INSR: variants seen among roughly 807,000 people sequenced by gnomAD.
INSR encodes the protein IR.
A neutral mutation model predicts 142.6 loss-of-function variants in INSR; 67 were observed. That is an observed-to-expected ratio of 0.47 (90% CI 0.39 to 0.58). INSR has a LOEUF of 0.58. Ranked by LOEUF, INSR falls within the 20% of genes least tolerant of loss-of-function variation. INSR has a pLI of 0.00. For synonymous variants in INSR, 756 were observed against 743.1 expected (o/e 1.02, Z -0.28); for missense variants, 1,248 against 1,833.2 (o/e 0.68, Z 5.83).
At chr19:7,145,915 A>G (rs1026711372) in intron 11 of INSR, among the ~76,000 whole-genome samples, 1 of 152,252 alleles carries the variant, frequency 6.6e-6, no homozygotes, top group Non-Finnish European at 1.5e-5. Context: ...GAATGATGTT[A>G]GCTTGGCTGT....
At chr19:7,173,456 C>G (rs1974064318) in intron 4 of INSR, among the ~76,000 whole-genome samples, 1 of 149,674 alleles carries the variant, frequency 6.7e-6, no homozygotes, top group Non-Finnish European at 1.5e-5. Flanking sequence ...GTAGCTAGGA[C>G]TACAGGCATG....
intron 1 of INSR, among the ~76,000 whole-genome samples, chr19:7,274,042 A>G (rs1465343520): frequency 1.3e-5 from 2 of 152,046 alleles, no homozygotes; most frequent in African/African-American, 4.8e-5. Flanking sequence ...ATCCTAAAAA[A>G]AAAATGATTA....
Position 7,126,630 on chromosome 19 carries a change from T to C in INSR, c.2967A>G (p.Gly989=), listed in dbSNP as rs776148714. Residue 989 remains glycine, a synonymous_variant, in exon 16 of 22, where the codon GGA becomes GGG. Transcript: ENST00000302850. ...LRKRQPDGPL[G]PLYASSNPEY... ...CAGGGTTTGAAGAAGCGTAAAGCGG[T>C]CCCAGCGGCCCATCTGGCTGCCTGG... 6.4e-7 allele frequency: 1 copy of C among 1,565,794 alleles called. No individual in the cohort carries two copies. Among genetic ancestry groups the C allele is most frequent in the Non-Finnish European group, 8.7e-7 (1 of 1,153,474 alleles).
Position 7,123,329 on chromosome 19 carries a change from C to T in INSR, c.3259-340G>A, listed in dbSNP as rs78257892. Among the ~76,000 whole-genome samples, 22 of 151,934 alleles carry T rather than the reference C, an allele frequency of 1.4e-4. No individual in the cohort carries two copies. The East Asian group carries it at 3.3e-3, about 23-fold the overall frequency. On this transcript the variant is annotated intron_variant, in intron 17 of 21. Transcript: ENST00000302850. ...GGTTACAGGTGCCCGCCTCCACACC[C>T]GGCTAATTTTTGTATTTTTAGTAGA...
intron 2 of INSR, among the ~76,000 whole-genome samples, chr19:7,221,774 GTTTCAACT>G (rs1306927806): frequency 6.6e-6 from 1 of 151,880 alleles, no homozygotes; most frequent in African/African-American, 2.4e-5. Flanking sequence ...ATCACACTGG[GTTTCAACT>G]TTTCCTTTCT....
chr19:7,201,896 C>T (rs530667245), intron 2 of INSR, among the ~76,000 whole-genome samples: 111 of 152,080 alleles, frequency 7.3e-4, no homozygotes, highest in African/African-American at 2.6e-3. Context: ...CTCCTGACCT[C>T]GTGATCCACC....
At chr19:7,239,925 CAG>C (rs1367634046) in intron 2 of INSR, among the ~76,000 whole-genome samples, 8 of 152,236 alleles carry the variant, frequency 5.3e-5, no homozygotes, top group African/African-American at 1.9e-4. Flanking sequence ...AGGAAGATCG[CAG>C]AGTTTTTTGT....
At chr19:7,198,900 G>T (rs76335114) in intron 2 of INSR, among the ~76,000 whole-genome samples, 26 of 36,530 alleles carry the variant, frequency 7.1e-4, no homozygotes, top group East Asian at 1.8e-3. Flanking sequence ...CACTTTTTTT[G>T]GGGGGGGGGT....
chr19:7,249,770 A>G (rs535932501), intron 2 of INSR, among the ~76,000 whole-genome samples: 7 of 152,258 alleles, frequency 4.6e-5, no homozygotes, highest in African/African-American at 1.7e-4. Context: ...AGGAGGGTGG[A>G]TCACGAGGTC....
At chr19:7,149,925 G>GA (rs1401098687) in intron 11 of INSR, among the ~76,000 whole-genome samples, 1 of 38,374 alleles carries the variant, frequency 2.6e-5, no homozygotes, top group African/African-American at 7.0e-5. Flanking sequence ...AAGAAAGAAG[G>GA]AAAAAAAGAA....
intron 2 of INSR, among the ~76,000 whole-genome samples, chr19:7,218,419 C>A (rs377692899): frequency 6.6e-5 from 10 of 152,232 alleles, no homozygotes; most frequent in South Asian, 2.1e-4. Context: ...TCAAAAGGGG[C>A]AGACCTGGGG....
chr19:7,246,634 CA>C (rs1313941343), intron 2 of INSR, among the ~76,000 whole-genome samples: 5 of 152,174 alleles, frequency 3.3e-5, no homozygotes, highest in African/African-American at 1.2e-4. Flanking sequence ...TGTTACACAG[CA>C]AAAGTTAGCT....
intron 2 of INSR, among the ~76,000 whole-genome samples, chr19:7,203,728 C>T (rs145720234): frequency 2.0e-5 from 3 of 152,128 alleles, no homozygotes; most frequent in East Asian, 3.9e-4. Flanking sequence ...CCCATGGGGA[C>T]GTACTGAATT....
At chr19:7,138,242 G>T (rs1014973524) in intron 13 of INSR, among the ~76,000 whole-genome samples, 1 of 152,036 alleles carries the variant, frequency 6.6e-6, no homozygotes, top group African/African-American at 2.4e-5. Context: ...GGGATTACAG[G>T]CGTGAGCCAC....
chr19:7,262,197 G>A (rs927259877), intron 2 of INSR, among the ~76,000 whole-genome samples: 8 of 152,138 alleles, frequency 5.3e-5, no homozygotes, highest in Non-Finnish European at 7.3e-5. Context: ...AAGGCTGGGC[G>A]CGGTAGCTCA....
chr19:7,276,936 G>T (rs1968077848), intron 1 of INSR, among the ~76,000 whole-genome samples: 1 of 152,040 alleles, frequency 6.6e-6, no homozygotes, highest in Admixed American at 6.6e-5. Context: ...TTGCCAAGTT[G>T]GCCAGGCTAG....
intron 9 of INSR, among the ~76,000 whole-genome samples, chr19:7,157,451 C>T (rs1973625752): frequency 8.5e-6 from 1 of 118,192 alleles, no homozygotes; most frequent in African/African-American, 3.4e-5. Context: ...TTGGTAGAGA[C>T]AGAGTTTTGC....
chr19:7,161,899 T>C (rs1247105311), intron 9 of INSR, among the ~76,000 whole-genome samples: 1 of 152,142 alleles, frequency 6.6e-6, no homozygotes, highest in African/African-American at 2.4e-5. Context: ...TGTGTATGTA[T>C]GAGCCGGTCA....
chr19:7,125,302 C>T lies in INSR; in HGVS notation c.3239G>A (p.Gly1080Asp), dbSNP rs374854021. The change falls in exon 17 of 22, where the codon GGC (glycine) becomes GAC (aspartate). Residue 1080 changes from glycine (G) to aspartate (D), a missense_variant. By Grantham distance (94) the Gly-to-Asp change is moderately conservative. Transcript: ENST00000302850. The surrounding 1 kb of genome is among the most constrained non-coding windows in gnomAD (Gnocchi z 4.9). ...EFLNEASVMKGFTCHHVVRLL... is the reference protein window; with the variant it reads ...EFLNEASVMKDFTCHHVVRLL... ...ACTCACCACGTGATGGCAGGTGAAG[C>T]CCTTCATGACCGAGGCCTCATTGAG... The T allele has an allele frequency of 3.1e-6, 5 of 1,613,904 alleles. No individual in the cohort carries two copies. In the African/African-American group the frequency reaches 6.7e-5, roughly 22 times the overall value.
Sources: allele counts gnomAD v4.1 joint callset (sites outside exome capture counted in the v4.1 genomes callset), GRCh38; gene constraint gnomAD v4.1.1; non-coding constraint Gnocchi (gnomAD v3.1); transcripts MANE v1.5; gene names NCBI Gene and HGNC (gene_info 2026-07-23, HGNC 2026-07-21).